Variants in BAZ2B observed in about 807,000 individuals in gnomAD.
BAZ2B encodes the protein bromodomain adjacent to zinc finger domain protein 2B.
BAZ2B carries 91 observed loss-of-function variants against 246.0 expected under a neutral mutation model. The ratio of observed to expected loss-of-function variants is 0.37; its 90% confidence interval spans 0.31 to 0.44. BAZ2B has a LOEUF of 0.44. Ranked by LOEUF, BAZ2B falls within the 20% of genes least tolerant of loss-of-function variation. The pLI, the probability that BAZ2B is intolerant of heterozygous loss-of-function variation, is 1.00. For missense variants in BAZ2B, 2,332 were observed against 2,533.7 expected, an observed-to-expected ratio of 0.92 and a Z score of 1.71; for synonymous variants, 855 against 860.0, an observed-to-expected ratio of 0.99 and a Z score of 0.10.
intron 27 of BAZ2B, among the ~76,000 whole-genome samples, chr2:159,359,940 T>C (rs1170787914): frequency 6.6e-6 from 1 of 152,166 alleles, no homozygotes; most frequent in African/African-American, 2.4e-5. Context: ...AAACTAGGTA[T>C]TGATGGGAGG....
rs956291230 is a variant in BAZ2B at position 159,353,980 on chromosome 2, A to G, written c.4214-3623T>C. ...TAAAATTCACAATATCTGGCATCCA[A>G]TCAAAGTTAGCAGGCATGCAAAGAA... is the stretch of plus-strand genomic sequence containing the variant. On this transcript the variant is annotated intron_variant, in intron 27 of 36. Coordinates refer to ENST00000392783, the MANE Select transcript of BAZ2B (RefSeq NM_013450.4). Among the ~76,000 whole-genome samples the G allele has an allele frequency of 2.6e-5, 4 of 152,320 alleles. No homozygotes were observed. The East Asian group carries it at 7.7e-4, about 29-fold the overall frequency.
chr2:159,328,070 G>GAAA (rs1306873341), intron 34 of BAZ2B, among the ~76,000 whole-genome samples: 1,091 of 49,028 alleles, frequency 0.022, 2 homozygotes, highest in Non-Finnish European at 0.031. Flanking sequence ...GCCTCAAAAC[G>GAAA]AAAAAAAAAA....
At chr2:159,663,855 CTTTTTTTTTTTTTTTTTT>C in the BAZ2B span, among the ~76,000 whole-genome samples, 4 of 92,488 alleles carry the variant, frequency 4.3e-5, no homozygotes, top group Non-Finnish European at 6.1e-5. Flanking sequence ...AAACCATTTT[CTTTTTTTTTTTTTTTTTT>C]TTTTTTTTTT....
At chr2:159,426,157 G>A (rs1260989029) in intron 13 of BAZ2B, among the ~76,000 whole-genome samples, 3 of 152,144 alleles carry the variant, frequency 2.0e-5, no homozygotes, top group Non-Finnish European at 4.4e-5. Flanking sequence ...ATCTCAACAA[G>A]ACAGTATGCA....
chr2:159,597,562 C>G (rs1024785530), intron 1 of BAZ2B, among the ~76,000 whole-genome samples: 1 of 152,058 alleles, frequency 6.6e-6, no homozygotes, highest in Admixed American at 6.6e-5. Context: ...AGTCTTGCTC[C>G]GTTGCCCAGG....
At chr2:159,637,721 G>C in the BAZ2B span, among the ~76,000 whole-genome samples, 1 of 152,034 alleles carries the variant, frequency 6.6e-6, no homozygotes, top group Non-Finnish European at 1.5e-5. Context: ...CCATGCCCGA[G>C]TAATTTTTTT....
intron 1 of BAZ2B, among the ~76,000 whole-genome samples, chr2:159,613,149 T>C (rs1695054518): frequency 6.6e-6 from 1 of 152,146 alleles, no homozygotes; most frequent in Non-Finnish European, 1.5e-5. Context: ...TAATGTTATG[T>C]ATAAAACTCA....
intron 12 of BAZ2B, 76 bp downstream of exon 12, chr2:159,428,235 A>G: frequency 7.7e-7 from 1 of 1,294,490 alleles, no homozygotes; most frequent in Non-Finnish European, 1.1e-6. Flanking sequence ...TATCTGAGAA[A>G]GGAGTACACT....
At chr2:159,344,099 C>T (rs1477105323) in intron 31 of BAZ2B, among the ~76,000 whole-genome samples, 1 of 150,198 alleles carries the variant, frequency 6.7e-6, no homozygotes, top group African/African-American at 2.5e-5. Context: ...GGAACTCTTA[C>T]ATACTGTTGG....
At chr2:159,346,584 G>A (rs1222877184) in intron 31 of BAZ2B, among the ~76,000 whole-genome samples, 1 of 152,026 alleles carries the variant, frequency 6.6e-6, no homozygotes, top group African/African-American at 2.4e-5. Flanking sequence ...ATGTACTTTG[G>A]AAGCCTGAGG....
chr2:159,408,992 A>C (rs375102375), intron 14 of BAZ2B, among the ~76,000 whole-genome samples: 14 of 152,208 alleles, frequency 9.2e-5, no homozygotes, highest in African/African-American at 3.1e-4. Context: ...AGATACCTAG[A>C]AAAGTTCACC....
chr2:159,453,978 A>G (rs1008687879), intron 3 of BAZ2B, among the ~76,000 whole-genome samples, 177 bp from the exon 4 acceptor site: 1 of 152,302 alleles, frequency 6.6e-6, no homozygotes, highest in South Asian at 2.1e-4. Context: ...AAACATGAAG[A>G]CATGCTAAAA....
chr2:159,454,052 T>C (rs1351442665), intron 3 of BAZ2B, among the ~76,000 whole-genome samples: 1 of 152,138 alleles, frequency 6.6e-6, no homozygotes, highest in East Asian at 1.9e-4. Context: ...ATGTTTTAAG[T>C]AGATAATTTT....
At chr2:159,397,827 T>C (rs2064268616) in intron 18 of BAZ2B, among the ~76,000 whole-genome samples, 1 of 148,740 alleles carries the variant, frequency 6.7e-6, no homozygotes, top group Admixed American at 6.8e-5. Flanking sequence ...GAATATAAAC[T>C]CTCAAATATA....
chr2:159,374,958 G>A (rs1559159794), intron 25 of BAZ2B, among the ~76,000 whole-genome samples: 2 of 152,162 alleles, frequency 1.3e-5, no homozygotes, highest in Admixed American at 1.3e-4. Context: ...GCTCATGTCT[G>A]TAATCCCAGC....
At chr2:159,440,555 C>T (rs1025454398) in intron 6 of BAZ2B, among the ~76,000 whole-genome samples, 4 of 145,778 alleles carry the variant, frequency 2.7e-5, no homozygotes, top group Admixed American at 7.0e-5. Context: ...CTCGCTCTGT[C>T]GCCCAGGCTG....
intron 27 of BAZ2B, among the ~76,000 whole-genome samples, chr2:159,352,756 G>T (rs1332030879): frequency 1.3e-5 from 2 of 152,134 alleles, no homozygotes; most frequent in East Asian, 3.9e-4. Context: ...TGAGCTTTGG[G>T]ATTACAGGCA....
chr2:159,609,175 G>C (rs2151806793), intron 1 of BAZ2B, among the ~76,000 whole-genome samples: 1 of 152,224 alleles, frequency 6.6e-6, no homozygotes, highest in Non-Finnish European at 1.5e-5. Flanking sequence ...ACAACATGCA[G>C]GAAACTATTA....
At chr2:159,408,209 T>G (rs6725127) in intron 14 of BAZ2B, among the ~76,000 whole-genome samples, 50,977 of 152,122 alleles carry the variant, frequency 0.34, 10,038 homozygotes, top group Non-Finnish European at 0.47. Flanking sequence ...GACAAGGTCT[T>G]ATTCTGTGAC....
Sources: gnomAD v4.1 joint callset for allele counts (sites outside exome capture counted in the v4.1 genomes callset) on GRCh38, gnomAD v4.1.1 for gene constraint, MANE v1.5 for transcripts, NCBI Gene and HGNC (gene_info 2026-07-23, HGNC 2026-07-21) for gene names.